Variants in APLP2 observed in about 807,000 individuals in gnomAD.
The protein encoded by APLP2 is CDEI box-binding protein.
Under a neutral mutation model 89.9 loss-of-function variants are expected in APLP2, and 53 were observed. That is an observed-to-expected ratio of 0.59 (90% confidence interval 0.47 to 0.74). APLP2 has a LOEUF of 0.74. APLP2 is among the 30% of genes least tolerant of loss of function. The probability of loss-of-function intolerance (pLI) is 0.00; values close to 1 mark genes in which losing one functional copy is unlikely to be tolerated. For synonymous variants in APLP2, 372 were observed against 348.6 expected (o/e 1.07, Z -0.75); for missense variants, 973 against 975.9 (o/e 1.00, Z 0.04).
Position 130,135,681 on chromosome 11 carries a change from C to A in APLP2, c.1803C>A (p.Pro601=), listed in dbSNP as rs966772314. 8.7e-6 allele frequency: 14 copies of A among 1,612,658 alleles called. No homozygotes were observed. The highest frequency in any genetic ancestry group is 1.2e-5 in the Non-Finnish European group (14 of 1,180,004). ...GTGAGGAGATCCCACCGTTCCACCC[C>A]TTCCACCCCTTCCCAGCCCTACCTG... ...EESEEIPPFH[P]FHPFPALPEN... is the part of the protein sequence containing the mutation. The change falls in exon 13 of 17, where the codon CCC becomes CCA. Residue 601 remains proline (P), a synonymous_variant. Coordinates refer to ENST00000338167, the MANE Select transcript of APLP2 (RefSeq NM_001142276.2).
intron 3 of APLP2, among the ~76,000 whole-genome samples, chr11:130,114,961 A>C (rs1949003025): frequency 6.6e-6 from 1 of 152,160 alleles, no homozygotes; most frequent in African/African-American, 2.4e-5. Context: ...AGTTCATGAC[A>C]GCCACTGACA....
rs1293632645 is a variant in APLP2 at position 130,122,518 on chromosome 11, C to A, written c.922+5C>A. On this transcript the variant is annotated splice_donor_5th_base_variant and intron_variant, in intron 6 of 16. Transcript: ENST00000338167. Reference sequence around the variant, plus strand: ...AAATTACTCATGATGTCAAAGGTAACCCCATGTAGAGCCATGGCTTTGAAA... The same window carrying A: ...AAATTACTCATGATGTCAAAGGTAAACCCATGTAGAGCCATGGCTTTGAAA... 1.2e-6 allele frequency: 2 copies of A among 1,613,964 alleles called. No homozygotes were observed. The highest frequency in any genetic ancestry group is 1.1e-5 in the South Asian group (1 of 91,074).
intron 11 of APLP2, among the ~76,000 whole-genome samples, chr11:130,131,124 A>C (rs1258767117): frequency 1.3e-5 from 2 of 152,166 alleles, no homozygotes; most frequent in African/African-American, 4.8e-5. Context: ...TTTGAGATGG[A>C]GTCCCACTCT....
intron 3 of APLP2, among the ~76,000 whole-genome samples, chr11:130,116,185 A>T (rs188325491): frequency 6.6e-6 from 1 of 152,228 alleles, no homozygotes; most frequent in East Asian, 1.9e-4. Context: ...AAAAAAAAAG[A>T]TAAAGTTGGC....
At chr11:130,122,782 A>G (rs1482314189) in intron 6 of APLP2, among the ~76,000 whole-genome samples, 1 of 152,148 alleles carries the variant, frequency 6.6e-6, no homozygotes, top group East Asian at 1.9e-4. Flanking sequence ...CTTCAGCAGG[A>G]TTCTTCCACA....
intron 8 of APLP2, 102 bp from the exon 9 acceptor site, chr11:130,127,664 C>T: frequency 3.1e-6 from 3 of 959,298 alleles, no homozygotes; most frequent in East Asian, 2.4e-5. Context: ...TTTCCTTTTG[C>T]AGTTTCCTGT....
At chr11:130,129,753 G>A (rs1294097300) in intron 10 of APLP2, among the ~76,000 whole-genome samples, 1 of 152,198 alleles carries the variant, frequency 6.6e-6, no homozygotes, top group Non-Finnish European at 1.5e-5. Flanking sequence ...GGTGTCAGAG[G>A]CTGAGCCAGG....
At chr11:130,134,620 T>C (rs373309248) in intron 12 of APLP2, among the ~76,000 whole-genome samples, 122 of 152,304 alleles carry the variant, frequency 8.0e-4, no homozygotes, top group African/African-American at 2.9e-3. Context: ...TTGGCTGCTG[T>C]GTGTAGTCGA....
chr11:130,143,433 G>A lies in APLP2; in HGVS notation c.2241G>A (p.Glu747=), dbSNP rs1952660622. The part of the protein sequence containing the change: ...GYENPTYKYL[E]QMQI Reference sequence around the variant, plus strand: ...AGAACCCCACCTACAAATACCTGGAGCAGATGCAGATTTAGGTGGCAGGGA... The same window carrying A: ...AGAACCCCACCTACAAATACCTGGAACAGATGCAGATTTAGGTGGCAGGGA... The change falls in exon 17 of 17, where the codon GAG becomes GAA. Residue 747 remains glutamate (E), a synonymous_variant. Transcript: ENST00000338167. 2.5e-6 allele frequency: 4 copies of A among 1,613,826 alleles called. No homozygotes were observed. The African/African-American group carries it at 4.0e-5, about 16-fold the overall frequency.
Position 130,129,116 on chromosome 11 carries a change from C to A in APLP2, c.1365C>A (p.Thr455=). The change falls in exon 10 of 17, where the codon ACC becomes ACA. Residue 455 remains threonine (T), a synonymous_variant. Coordinates refer to ENST00000338167, the MANE Select transcript of APLP2 (RefSeq NM_001142276.2). The part of the protein sequence containing the change: ...AASEKQQLVE[T]HLARVEAMLN... ...GTGAGAAGCAGCAGCTGGTGGAGAC[C>A]CACCTGGCCCGAGTGGAAGCTATGC... The A allele has an allele frequency of 6.2e-7, 1 of 1,614,148 alleles. No individual in the cohort carries two copies. Among genetic ancestry groups the A allele is most frequent in the Admixed American group, 1.7e-5 (1 of 60,022 alleles).
intron 3 of APLP2, among the ~76,000 whole-genome samples, chr11:130,115,892 A>G (rs1949104068): frequency 6.6e-6 from 1 of 152,228 alleles, no homozygotes; most frequent in Non-Finnish European, 1.5e-5. Flanking sequence ...ATTTTTCAAT[A>G]AAAGAAGTTT....
intron 1 of APLP2, among the ~76,000 whole-genome samples, chr11:130,105,414 C>CA (rs377512957): frequency 3.7e-4 from 54 of 145,018 alleles, no homozygotes; most frequent in East Asian, 1.4e-3. Context: ...GACCCTGTCT[C>CA]AAAAAAAAAA....
chr11:130,135,803 G>A, intron 13 of APLP2, 88 bp downstream of exon 13: 1 of 1,499,822 alleles, frequency 6.7e-7, no homozygotes, highest in Non-Finnish European at 9.1e-7. Context: ...ACCAAATTGA[G>A]TTGGGAGATG....
chr11:130,078,549 A>C (rs759663283), intron 1 of APLP2, among the ~76,000 whole-genome samples: 7 of 152,098 alleles, frequency 4.6e-5, no homozygotes, highest in Non-Finnish European at 8.8e-5. Flanking sequence ...TCCTACCCTG[A>C]GGATATAACG....
intron 11 of APLP2, among the ~76,000 whole-genome samples, chr11:130,133,179 G>A (rs1360369052): frequency 6.6e-6 from 1 of 151,068 alleles, no homozygotes; most frequent in East Asian, 1.9e-4. Flanking sequence ...TTGGAGTGCA[G>A]TAGCACAGTC....
chr11:130,070,376 C>T (rs1448294240), intron 1 of APLP2, among the ~76,000 whole-genome samples: 2 of 151,422 alleles, frequency 1.3e-5, no homozygotes, highest in South Asian at 2.1e-4. Context: ...GCGCCGCCAC[C>T]TCCTCCGGGG....
Position 130,123,548 on chromosome 11 carries a change from A to G in APLP2, c.923-64A>G. The G allele has an allele frequency of 6.5e-7, 1 of 1,527,300 alleles. No homozygotes were observed. Among genetic ancestry groups the G allele is most frequent in the Non-Finnish European group, 8.9e-7 (1 of 1,125,874 alleles). 94.6% of individuals were successfully genotyped at this position (1,527,300 alleles called of 1,614,324 possible). ...CCCATCCCCCAGCTCGCCAGCCTGTAGCATTTTGAAGCATTTGACGTCACT... is the reference window on the plus strand; with the variant it reads ...CCCATCCCCCAGCTCGCCAGCCTGTGGCATTTTGAAGCATTTGACGTCACT... On this transcript the variant is annotated intron_variant, in intron 6 of 16. Transcript: ENST00000338167. This position sits in a 1 kb window ranked among gnomAD's most constrained non-coding sequence, Gnocchi z 4.0.
In APLP2 at chr11:130,123,872, C is replaced by A; in HGVS notation, c.1090+93C>A. On this transcript the variant is annotated intron_variant, in intron 7 of 16. Coordinates refer to ENST00000338167, the MANE Select transcript of APLP2 (RefSeq NM_001142276.2). The surrounding 1 kb of genome is among the most constrained non-coding windows in gnomAD (Gnocchi z 4.0). ...CTTCGTGGCTGCATCTGTGTGGTGT[C>A]CCTGCCCACTCGGGTGTTTGCTGTC... The A allele has an allele frequency of 7.2e-7, 1 of 1,397,626 alleles. No individual in the cohort carries two copies. The highest frequency in any genetic ancestry group is 9.9e-7 in the Non-Finnish European group (1 of 1,009,972). 86.6% of individuals were successfully genotyped at this position (1,397,626 alleles called of 1,614,324 possible). A position where few individuals can be genotyped will look rare whatever the true frequency, so the allele number is the denominator to read the frequency against.
At chr11:130,110,489 T>G (rs1329587430) in intron 2 of APLP2, 49 bp from the exon 3 acceptor site, 1 of 1,603,092 alleles carries the variant, frequency 6.2e-7, no homozygotes, top group Non-Finnish European at 8.5e-7. Flanking sequence ...TGCAAGTGTG[T>G]GTCTGTCTGC....
Sources: gnomAD v4.1 joint callset for allele counts (sites outside exome capture counted in the v4.1 genomes callset) on GRCh38, gnomAD v4.1.1 for gene constraint, Gnocchi (gnomAD v3.1) non-coding constraint, MANE v1.5 for transcripts, NCBI Gene and HGNC (gene_info 2026-07-23, HGNC 2026-07-21) for gene names.